Variants in MYH16 observed in about 807,000 individuals in gnomAD.
The protein encoded by MYH16 is putative uncharacterized protein MYH16.
Position 99,243,793 on chromosome 7 carries a change from T to C in MYH16, n.354+372T>C, listed in dbSNP as rs891812309. On this transcript the variant is annotated intron_variant and non_coding_transcript_variant, in intron 2 of 41. Transcript: ENST00000439784. Reference sequence around the variant, plus strand: ...TCCATTCATCCATCTATCCATTCATTCATCCATCCATCCATCCATCCATTC... The same window carrying C: ...TCCATTCATCCATCTATCCATTCATCCATCCATCCATCCATCCATCCATTC... Among the ~76,000 whole-genome samples, 4 of 150,388 alleles carry C rather than the reference T, an allele frequency of 2.7e-5. No individual in the cohort carries two copies. The East Asian group carries it at 7.8e-4, about 29-fold the overall frequency.
chr7:99,274,107 A>G (rs1792081037), intron 20 of MYH16, among the ~76,000 whole-genome samples: 1 of 152,250 alleles, frequency 6.6e-6, no homozygotes, highest in Admixed American at 6.5e-5. Context: ...GGGGAACCTC[A>G]GGAAATGATA....
intron 21 of MYH16, among the ~76,000 whole-genome samples, chr7:99,278,193 T>C (rs1273125411): frequency 1.3e-5 from 2 of 152,054 alleles, no homozygotes; most frequent in Non-Finnish European, 2.9e-5. Flanking sequence ...TCCTCCTATT[T>C]CGGCCTCCCA....
chr7:99,306,560 CAGAACCAGCCA>C (rs1792684562), intron 41 of MYH16, 38 bp from the exon 23 acceptor site: 1 of 152,580 alleles, frequency 6.6e-6, no homozygotes, highest in Non-Finnish European at 1.5e-5. Flanking sequence ...CACACTTAAC[CAGAACCAGCCA>C]CGTTTATGCC....
intron 28 of MYH16, among the ~76,000 whole-genome samples, chr7:99,286,726 A>G (rs939961556): frequency 6.6e-6 from 1 of 152,108 alleles, no homozygotes. Flanking sequence ...GGGGAGGCAA[A>G]AGCAGAAGGA....
chr7:99,280,915 T>C, exon 23 of MYH16: 1 of 421,616 alleles, frequency 2.4e-6, no homozygotes, highest in Non-Finnish European at 4.8e-6. Context: ...GGGGGACCTC[T>C]CACTCCGTGA....
At chr7:99,287,825 G>C (rs773482683) in intron 28 of MYH16, 67 bp from the exon 10 acceptor site, 2 of 426,876 alleles carry the variant, frequency 4.7e-6, no homozygotes, top group Non-Finnish European at 9.6e-6. Flanking sequence ...CCGAGCAGCT[G>C]GGCGGTGTCC....
intron 24 of MYH16, 60 bp downstream of exon 6, chr7:99,283,711 G>A (rs1445310178): frequency 2.2e-5 from 10 of 454,728 alleles, no homozygotes; most frequent in Non-Finnish European, 3.5e-5. Context: ...CTGGGGGCAC[G>A]GGGTCCGAAG....
At chr7:99,256,685 G>T (rs1400671293) in intron 9 of MYH16, among the ~76,000 whole-genome samples, 1 of 152,204 alleles carries the variant, frequency 6.6e-6, no homozygotes, top group Non-Finnish European at 1.5e-5. Context: ...TGAGGAAGGA[G>T]AATCACTTGA....
chr7:99,294,492 C>A (rs1792442856), intron 33 of MYH16, among the ~76,000 whole-genome samples: 1 of 115,318 alleles, frequency 8.7e-6, no homozygotes, highest in South Asian at 2.8e-4. Flanking sequence ...CACAGGGAGA[C>A]CCTGTCTCAA....
intron 14 of MYH16, chr7:99,264,109 C>T (rs896293340): frequency 4.6e-5 from 7 of 152,374 alleles, no homozygotes; most frequent in Non-Finnish European, 1.0e-4. Context: ...TCATTTTCCT[C>T]ACATGAGGGT....
At chr7:99,283,307 G>A (rs936649372) in intron 23 of MYH16, among the ~76,000 whole-genome samples, 4 of 152,208 alleles carry the variant, frequency 2.6e-5, no homozygotes, top group African/African-American at 4.8e-5. Context: ...AGGCTCGGGT[G>A]CAGTGGTACG....
intron 1 of MYH16, among the ~76,000 whole-genome samples, chr7:99,241,470 T>C (rs1440912212): frequency 6.6e-6 from 1 of 152,050 alleles, no homozygotes; most frequent in Non-Finnish European, 1.5e-5. Flanking sequence ...GTAATCCCAG[T>C]TACTTGGGAG....
chr7:99,255,983 C>T (rs1791866982), intron 9 of MYH16, among the ~76,000 whole-genome samples: 1 of 152,102 alleles, frequency 6.6e-6, no homozygotes, highest in African/African-American at 2.4e-5. Context: ...CTGTCATTCT[C>T]CCAGTCCCCA....
At chr7:99,262,680 C>T (rs1791949272) in intron 13 of MYH16, among the ~76,000 whole-genome samples, 1 of 152,202 alleles carries the variant, frequency 6.6e-6, no homozygotes, top group South Asian at 2.1e-4. Context: ...CTCCTTCCTC[C>T]TTACCCTTGC....
chr7:99,308,910 A>G (rs781178154), downstream of MYH16, among the ~76,000 whole-genome samples: 2 of 152,216 alleles, frequency 1.3e-5, no homozygotes, highest in Non-Finnish European at 2.9e-5. Flanking sequence ...TGGGCAACAT[A>G]GCAAGACCCT....
intron 2 of MYH16, among the ~76,000 whole-genome samples, chr7:99,245,970 C>T (rs1376063483): frequency 6.6e-6 from 1 of 150,496 alleles, no homozygotes; most frequent in African/African-American, 2.4e-5. Context: ...GGGAGGCCAA[C>T]GTGGGTGGAT....
intron 29 of MYH16, 34 bp downstream of exon 10, chr7:99,288,171 C>T (rs1443707953): frequency 2.2e-6 from 1 of 453,694 alleles, no homozygotes; most frequent in African/African-American, 2.0e-5. Context: ...GACGCAGTGG[C>T]TCACTCCTGT....
chr7:99,257,662 A>G (rs1421269307), intron 10 of MYH16, among the ~76,000 whole-genome samples: 1 of 152,176 alleles, frequency 6.6e-6, no homozygotes, highest in Non-Finnish European at 1.5e-5. Flanking sequence ...TTTTTGAGAC[A>G]GGGTCTTGGT....
At chr7:99,239,426 G>A (rs766843835) in intron 1 of MYH16, among the ~76,000 whole-genome samples, 13 of 152,192 alleles carry the variant, frequency 8.5e-5, no homozygotes, top group Non-Finnish European at 1.3e-4. Flanking sequence ...GGCCCCTGGT[G>A]GCATGAGGGC....
Sources: allele counts gnomAD v4.1 joint callset (sites outside exome capture counted in the v4.1 genomes callset), GRCh38; gene constraint gnomAD v4.1.1; transcripts MANE v1.5; gene names NCBI Gene and HGNC (gene_info 2026-07-23, HGNC 2026-07-21).